Variants in ADAMTS18 observed in about 807,000 individuals in gnomAD.
The protein encoded by ADAMTS18 is A disintegrin and metalloproteinase with thrombospondin motifs 18.
ADAMTS18 carries 157 observed loss-of-function variants against 165.9 expected under a neutral mutation model. The ratio of observed to expected loss-of-function variants is 0.95; its 90% CI spans 0.83 to 1.08. The LOEUF is 1.08. Ranked by LOEUF, ADAMTS18 falls within the 50% of genes least tolerant of loss-of-function variation. The pLI is 0.00. For synonymous variants in ADAMTS18, 782 were observed against 578.2 expected, an observed-to-expected ratio of 1.35 and a Z score of -5.06; for missense variants, 2,040 against 1,534.0, an observed-to-expected ratio of 1.33 and a Z score of -5.51.
At chr16:77,299,387 A>G (rs533719799) in intron 17 of ADAMTS18, among the ~76,000 whole-genome samples, 1 of 152,310 alleles carries the variant, frequency 6.6e-6, no homozygotes, top group African/African-American at 2.4e-5. Context: ...ATGTATCCTA[A>G]AAAAGTATTT....
chr16:77,417,369 C>G (rs899660660), intron 3 of ADAMTS18, among the ~76,000 whole-genome samples: 1 of 152,126 alleles, frequency 6.6e-6, no homozygotes, highest in African/African-American at 2.4e-5. Context: ...TTGTTAGTTA[C>G]TGGCAGCTAG....
intron 10 of ADAMTS18, among the ~76,000 whole-genome samples, chr16:77,351,706 A>T (rs371305283): frequency 6.6e-6 from 1 of 152,292 alleles, no homozygotes; most frequent in East Asian, 1.9e-4. Context: ...CATCAACTTA[A>T]CAGGAAAATA....
intron 2 of ADAMTS18, 135 bp downstream of exon 2, chr16:77,434,283 A>T: frequency 9.4e-7 from 1 of 1,064,286 alleles, no homozygotes; most frequent in Non-Finnish European, 1.4e-6. Context: ...CCCCTCTCCA[A>T]ACAGGAACCA....
chr16:77,362,559 G>A (rs948189086), intron 6 of ADAMTS18, among the ~76,000 whole-genome samples: 5 of 152,118 alleles, frequency 3.3e-5, no homozygotes, highest in South Asian at 2.1e-4. Context: ...TTATAAAACC[G>A]TTACAACTTT....
Position 77,284,171 on chromosome 16 carries a change from A to G in ADAMTS18, c.3551-100T>C, listed in dbSNP as rs1298483022. ...AGTCTCACTCTGTTACCTAGGCTGGAGTGCAGTGGTGTGGTGTGATCTCCG... is the reference window on the plus strand; with the variant it reads ...AGTCTCACTCTGTTACCTAGGCTGGGGTGCAGTGGTGTGGTGTGATCTCCG... On this transcript the variant is annotated intron_variant, in intron 22 of 22. Coordinates refer to ENST00000282849, the MANE Select transcript of ADAMTS18 (RefSeq NM_199355.4). 4 of 759,976 alleles carry G rather than the reference A, an allele frequency of 5.3e-6. No homozygotes were observed. The East Asian group carries it at 8.6e-5, about 16-fold the overall frequency. 47.1% of individuals were successfully genotyped at this position (759,976 alleles called of 1,614,324 possible).
At chr16:77,425,060 T>G (rs777948502) in intron 3 of ADAMTS18, among the ~76,000 whole-genome samples, 1 of 152,150 alleles carries the variant, frequency 6.6e-6, no homozygotes. Context: ...TAAAATACTT[T>G]TGAAAGGGGG....
At chr16:77,381,050 T>C (rs914681819) in intron 3 of ADAMTS18, among the ~76,000 whole-genome samples, 1 of 152,034 alleles carries the variant, frequency 6.6e-6, no homozygotes, top group Non-Finnish European at 1.5e-5. Flanking sequence ...ATTTTTGTAT[T>C]TTTAGTAGAG....
In ADAMTS18 at chr16:77,321,199, C is replaced by A. The variant is rs534166116; in HGVS notation, c.2167G>T (p.Val723Leu). ...DVCIDGVCELVGCDHELGSKA... is the reference protein window; with the variant it reads ...DVCIDGVCELLGCDHELGSKA... ...GAGCCTAGTTCATGATCACATCCCA[C>A]TAGCTGTGACAAAAACAAAAAACGT... The change falls in exon 15 of 23, where the codon GTG becomes TTG. Residue 723 changes from valine to leucine, a missense_variant. Physicochemically the swap from Val to Leu is conservative, Grantham distance 32. Coordinates refer to ENST00000282849, the MANE Select transcript of ADAMTS18 (RefSeq NM_199355.4). 6.2e-7 allele frequency: 1 copy of A among 1,614,144 alleles called. No individual in the cohort carries two copies. The highest frequency in any genetic ancestry group is 2.2e-5 in the East Asian group (1 of 44,872).
Position 77,353,770 on chromosome 16 carries a change from C to G in ADAMTS18, c.1577G>C (p.Gly526Ala). 1 of 1,614,146 alleles carries G rather than the reference C, an allele frequency of 6.2e-7. No homozygotes were observed. The highest frequency in any genetic ancestry group is 8.5e-7 in the Non-Finnish European group (1 of 1,180,012). ...DADTQCKWQFGAKAKLCSLGF... is the reference protein window; with the variant it reads ...DADTQCKWQFAAKAKLCSLGF... ...AAGGCTGCATAACTTGGCTTTTGCT[C>G]CAAATTGCCATTTACACTGTGTGTC... The change falls in exon 10 of 23, where the codon GGA becomes GCA. Residue 526 changes from glycine to alanine, a missense_variant. Gly to Ala is a moderately conservative substitution (Grantham distance 60, BLOSUM62 0). Coordinates refer to ENST00000282849, the MANE Select transcript of ADAMTS18 (RefSeq NM_199355.4).
intron 22 of ADAMTS18, among the ~76,000 whole-genome samples, chr16:77,288,526 T>TTTTCCTATCAGTAC (rs1299228945): frequency 1.3e-5 from 2 of 152,146 alleles, no homozygotes; most frequent in African/African-American, 4.8e-5. Context: ...AGACTTTCCA[T>TTTTCCTATCAGTAC]TTTCCTATCA....
intron 17 of ADAMTS18, among the ~76,000 whole-genome samples, chr16:77,298,940 G>A (rs1245694882): frequency 6.6e-6 from 1 of 152,258 alleles, no homozygotes; most frequent in Admixed American, 6.5e-5. Context: ...GGCAGGGCAA[G>A]GCGAGAATTT....
intron 10 of ADAMTS18, among the ~76,000 whole-genome samples, chr16:77,345,473 A>T (rs2056462251): frequency 6.6e-6 from 1 of 152,108 alleles, no homozygotes; most frequent in Non-Finnish European, 1.5e-5. Context: ...CTGAACAATT[A>T]TGGCCACCTT....
At chr16:77,426,146 G>C (rs1278598565) in intron 3 of ADAMTS18, among the ~76,000 whole-genome samples, 2 of 152,042 alleles carry the variant, frequency 1.3e-5, no homozygotes, top group Non-Finnish European at 2.9e-5. Flanking sequence ...TGTATTAAAA[G>C]GTATGAAATA....
At chr16:77,418,359 G>C (rs776381046) in intron 3 of ADAMTS18, among the ~76,000 whole-genome samples, 11 of 152,160 alleles carry the variant, frequency 7.2e-5, no homozygotes, top group Non-Finnish European at 1.3e-4. Context: ...TCTATGAGTA[G>C]TTCTCAGCTA....
At chr16:77,320,745 C>G (rs1256032801) in intron 15 of ADAMTS18, among the ~76,000 whole-genome samples, 1 of 152,164 alleles carries the variant, frequency 6.6e-6, no homozygotes, top group Admixed American at 6.6e-5. Flanking sequence ...ATTTAGATAA[C>G]TGCTTCAAAT....
At chr16:77,333,756 G>A (rs2056229017) in intron 12 of ADAMTS18, among the ~76,000 whole-genome samples, 1 of 149,710 alleles carries the variant, frequency 6.7e-6, no homozygotes, top group East Asian at 1.9e-4. Context: ...TGAACAGTGT[G>A]CCATGTTTTC....
chr16:77,361,155 G>C (rs1279025798), intron 7 of ADAMTS18, among the ~76,000 whole-genome samples: 2 of 152,112 alleles, frequency 1.3e-5, no homozygotes, highest in African/African-American at 4.8e-5. Context: ...CATATTACTT[G>C]TGGCTGCTTT....
At chr16:77,360,301 T>G (rs183599026) in intron 7 of ADAMTS18, among the ~76,000 whole-genome samples, 1 of 152,256 alleles carries the variant, frequency 6.6e-6, no homozygotes, top group Non-Finnish European at 1.5e-5. Flanking sequence ...GTCTATTATA[T>G]ATCTGTGTGT....
chr16:77,345,192 T>A (rs146965006), intron 10 of ADAMTS18, among the ~76,000 whole-genome samples: 1 of 152,308 alleles, frequency 6.6e-6, no homozygotes, highest in African/African-American at 2.4e-5. Flanking sequence ...AAACCTGACA[T>A]GCTGAAAATG....
Sources: gnomAD v4.1 joint callset for allele counts (sites outside exome capture counted in the v4.1 genomes callset) on GRCh38, gnomAD v4.1.1 for gene constraint, MANE v1.5 for transcripts, NCBI Gene and HGNC (gene_info 2026-07-23, HGNC 2026-07-21) for gene names.